MECOM: variants seen among roughly 807,000 people sequenced by gnomAD.
MECOM encodes MDS1 and EVI1 complex locus, also known as histone-lysine N-methyltransferase MECOM.
Under a neutral mutation model 116.3 loss-of-function variants are expected in MECOM, and 13 were observed. The ratio of observed to expected loss-of-function variants is 0.11; its 90% CI spans 0.07 to 0.18. The LOEUF (loss-of-function observed/expected upper bound fraction) is 0.18, where lower values mean the gene tolerates loss of function less well. Among genes scored for constraint, MECOM ranks in the 10% least tolerant of loss-of-function variants. The pLI is 1.00. For synonymous variants in MECOM, 528 were observed against 535.2 expected (o/e 0.99, Z 0.19); for missense variants, 1,299 against 1,509.0 (o/e 0.86, Z 2.31).
At chr3:169,360,694 A>T (rs886526983) in intron 2 of MECOM, among the ~76,000 whole-genome samples, 12 of 151,842 alleles carry the variant, frequency 7.9e-5, no homozygotes, top group Admixed American at 2.6e-4. Context: ...GGGGAAAAAA[A>T]AGCAAATTCA....
At chr3:169,576,035 T>C (rs142135148) in intron 1 of MECOM, among the ~76,000 whole-genome samples, 1 of 152,326 alleles carries the variant, frequency 6.6e-6, no homozygotes, top group Non-Finnish European at 1.5e-5. Flanking sequence ...CTTTCCACAT[T>C]AGATTTCTAC....
At chr3:169,242,633 A>G (rs990037697) in intron 2 of MECOM, among the ~76,000 whole-genome samples, 11 of 152,108 alleles carry the variant, frequency 7.2e-5, no homozygotes, top group Non-Finnish European at 8.8e-5. Flanking sequence ...CTTATCGTCT[A>G]TCATACTGAT....
intron 2 of MECOM, among the ~76,000 whole-genome samples, chr3:169,347,950 A>G (rs557069209): frequency 1.3e-5 from 2 of 152,194 alleles, no homozygotes; most frequent in East Asian, 3.9e-4. Context: ...CCAACAGGCT[A>G]GAACTTAATT....
intron 2 of MECOM, among the ~76,000 whole-genome samples, chr3:169,338,104 A>G (rs763520686): frequency 6.6e-6 from 1 of 152,172 alleles, no homozygotes; most frequent in Non-Finnish European, 1.5e-5. Flanking sequence ...GTGCTTAGCT[A>G]CACTGAACTA....
intron 2 of MECOM, among the ~76,000 whole-genome samples, chr3:169,264,678 C>G (rs910264958): frequency 1.3e-5 from 2 of 152,164 alleles, no homozygotes; most frequent in Non-Finnish European, 2.9e-5. Flanking sequence ...ACCCTCTCAT[C>G]CTTCCAACTA....
At chr3:169,502,663 C>T (rs55935184) in intron 1 of MECOM, among the ~76,000 whole-genome samples, 24,573 of 152,026 alleles carry the variant, frequency 0.16, 2,135 homozygotes, top group East Asian at 0.33. Flanking sequence ...GATCATACAA[C>T]ACTTTTTAAA....
intron 12 of MECOM, among the ~76,000 whole-genome samples, chr3:169,097,786 C>T (rs971652615): frequency 1.6e-5 from 2 of 126,684 alleles, no homozygotes; most frequent in Non-Finnish European, 3.2e-5. Context: ...CAAAACCAGC[C>T]TGAGCAACAG....
chr3:169,271,666 G>A (rs998258551), intron 2 of MECOM, among the ~76,000 whole-genome samples: 44 of 152,090 alleles, frequency 2.9e-4, no homozygotes, highest in African/African-American at 1.1e-3. Context: ...TAAATGACGA[G>A]TTGATGGGTG....
chr3:169,248,412 A>T (rs1217288645), intron 2 of MECOM, among the ~76,000 whole-genome samples: 1 of 152,184 alleles, frequency 6.6e-6, no homozygotes, highest in African/African-American at 2.4e-5. Flanking sequence ...TGCTAAATCT[A>T]CCTCTTAGTT....
chr3:169,213,715 G>T (rs1434999424), intron 2 of MECOM, among the ~76,000 whole-genome samples: 1 of 152,094 alleles, frequency 6.6e-6, no homozygotes, highest in Non-Finnish European at 1.5e-5. Context: ...TTTAAAGACT[G>T]ACCTGACTTT....
intron 1 of MECOM, among the ~76,000 whole-genome samples, chr3:169,397,801 G>A (rs1735247539): frequency 6.6e-6 from 1 of 152,154 alleles, no homozygotes; most frequent in Non-Finnish European, 1.5e-5. Context: ...ATTCCTCTGT[G>A]GGTAAAAAGG....
chr3:169,537,034 T>A (rs192546106), intron 1 of MECOM, among the ~76,000 whole-genome samples: 3 of 152,262 alleles, frequency 2.0e-5, no homozygotes, highest in Non-Finnish European at 1.5e-5. Context: ...ATCTTTGTAA[T>A]TCCCATGCCT....
chr3:169,276,963 T>G (rs1012686091), intron 2 of MECOM, among the ~76,000 whole-genome samples: 2 of 150,506 alleles, frequency 1.3e-5, no homozygotes, highest in African/African-American at 4.9e-5. Context: ...AAACACAAAC[T>G]GCAAAAAGAC....
chr3:169,662,558 C>T (rs1776431624), intron 1 of MECOM, among the ~76,000 whole-genome samples: 1 of 152,038 alleles, frequency 6.6e-6, no homozygotes, highest in Non-Finnish European at 1.5e-5. Context: ...GCCGGTAGCT[C>T]TGCTCTGCCC....
At chr3:169,476,488 G>A (rs1478296008) in intron 1 of MECOM, among the ~76,000 whole-genome samples, 2 of 152,164 alleles carry the variant, frequency 1.3e-5, no homozygotes, top group Non-Finnish European at 2.9e-5. Flanking sequence ...CTTGACAGGT[G>A]CGGAGAGAGC....
In MECOM at chr3:169,641,597, C is replaced by T. The variant is rs187704842; in HGVS notation, c.37+21739G>A. Among the ~76,000 whole-genome samples, 96 of 152,282 alleles carry T rather than the reference C, an allele frequency of 6.3e-4. 1 individual carries two copies. The highest frequency in any genetic ancestry group is 1.9e-3 in the African/African-American group (79 of 41,542). On this transcript the variant is annotated intron_variant, in intron 1 of 16. Transcript: ENST00000651503. ...TCTATTCAAAGAAGCTAGAGGACCA[C>T]GTGGGCTAATTCAATACCAATATAA...
chr3:169,485,893 A>AGTATATATGTAT (rs1553867575), intron 1 of MECOM, among the ~76,000 whole-genome samples: 3,988 of 103,230 alleles, frequency 0.039, 108 homozygotes, highest in South Asian at 0.069. Context: ...ATGTATATAT[A>AGTATATATGTAT]GTATATATAG....
chr3:169,594,886 A>AC, intron 1 of MECOM, among the ~76,000 whole-genome samples: 1 of 151,186 alleles, frequency 6.6e-6, no homozygotes, highest in Non-Finnish European at 1.5e-5. Flanking sequence ...CTGAAAAAAA[A>AC]AAAAACAAAA....
chr3:169,659,640 A>G (rs892966214), intron 1 of MECOM, among the ~76,000 whole-genome samples: 9 of 152,104 alleles, frequency 5.9e-5, no homozygotes, highest in Middle Eastern at 3.4e-3. Context: ...GCAATCTGAA[A>G]TAAACAAATA....
Sources: gnomAD v4.1 joint callset for allele counts (sites outside exome capture counted in the v4.1 genomes callset) on GRCh38, gnomAD v4.1.1 for gene constraint, MANE v1.5 for transcripts, NCBI Gene and HGNC (gene_info 2026-07-23, HGNC 2026-07-21) for gene names.